Variants in C5orf63 observed in about 807,000 individuals in gnomAD.
C5orf63 encodes the protein chromosome 5 open reading frame 63, also known as glutaredoxin-like protein C5orf63.
A neutral mutation model predicts 13.3 loss-of-function variants in C5orf63; 18 were observed. The ratio of observed to expected loss-of-function variants is 1.36; its 90% CI spans 0.94 to 2.01. C5orf63 has a LOEUF of 2.01. C5orf63 is among the 30% of genes most tolerant of loss of function. C5orf63 has a pLI of 0.00. For synonymous variants in C5orf63, 38 were observed against 44.7 expected (o/e 0.85, Z 0.60); for missense variants, 118 against 127.7 (o/e 0.92, Z 0.36).
rs376443158 is a variant in C5orf63, at chr5:127,071,337, A to G, written c.-8+247T>C. ...AGGTAGGTTCTTTCAGTTTGCCTCC[A>G]TATCTAGGAACTTTAACTTTGGTAA... On this transcript the variant is annotated intron_variant, in intron 2 of 4. Coordinates refer to ENST00000296662, the MANE Select transcript of C5orf63 (RefSeq NM_001164478.2). Among the ~76,000 whole-genome samples the G allele has an allele frequency of 1.3e-4, 20 of 152,340 alleles. No homozygotes were observed. The South Asian group carries it at 3.5e-3, about 27-fold the overall frequency.
At chr5:127,043,926 T>C (rs1237009278), downstream of C5orf63, 1 of 152,216 alleles carries the variant, frequency 6.6e-6, no homozygotes, top group African/African-American at 2.4e-5. Flanking sequence ...CCCTCTCTGT[T>C]GCCTTAGTGG....
chr5:127,069,395 C>T (rs1381647528), intron 2 of C5orf63, among the ~76,000 whole-genome samples: 1 of 152,104 alleles, frequency 6.6e-6, no homozygotes, highest in African/African-American at 2.4e-5. Context: ...TGCAAGTTTC[C>T]CTGCTATTTA....
At chr5:127,043,050 T>C (rs1753441226), downstream of C5orf63, 1 of 152,222 alleles carries the variant, frequency 6.6e-6, no homozygotes, top group South Asian at 2.1e-4. Context: ...ATGACAGCAG[T>C]GTCCTTTATT....
At chr5:127,055,589 A>C (rs1052597012) in intron 3 of C5orf63, among the ~76,000 whole-genome samples, 2 of 152,212 alleles carry the variant, frequency 1.3e-5, no homozygotes, top group Non-Finnish European at 2.9e-5. Flanking sequence ...TTCTGGCCCT[A>C]ATTTCCTAGA....
At chr5:127,066,621 G>A (rs192374621) in intron 2 of C5orf63, among the ~76,000 whole-genome samples, 40 of 152,178 alleles carry the variant, frequency 2.6e-4, no homozygotes, top group African/African-American at 8.9e-4. Context: ...CCAAGAGCTC[G>A]GTTAGGGACA....
chr5:127,052,093 CT>C, intron 4 of C5orf63, 146 bp from the exon 5 acceptor site: 1 of 614,682 alleles, frequency 1.6e-6, no homozygotes, highest in African/African-American at 1.9e-5. Context: ...TCTAATGTCC[CT>C]GATTTCCAAA....
chr5:127,065,949 C>T (rs1754313577), intron 2 of C5orf63, among the ~76,000 whole-genome samples: 1 of 152,064 alleles, frequency 6.6e-6, no homozygotes, highest in African/African-American at 2.4e-5. Flanking sequence ...TGAAGAGACT[C>T]TTTAATGTCA....
Position 127,055,981 on chromosome 5 carries a change from T to C in C5orf63, c.114+2901A>G, listed in dbSNP as rs1561489422. 2.0e-5 allele frequency among the ~76,000 whole-genome samples: 3 copies of C among 152,220 alleles called. No homozygotes were observed. The South Asian group carries it at 6.2e-4, about 32-fold the overall frequency. ...ATACCAGTGGAATGGACCATTCAAATATCCTTCTCTAGGATTTTCCATGGC... is the reference window on the plus strand; with the variant it reads ...ATACCAGTGGAATGGACCATTCAAACATCCTTCTCTAGGATTTTCCATGGC... On this transcript the variant is annotated intron_variant, in intron 3 of 4. Coordinates refer to ENST00000296662, the MANE Select transcript of C5orf63 (RefSeq NM_001164478.2).
At position 127,051,863 on chromosome 5, in the gene C5orf63, A is replaced by G. The variant is rs531850314; in HGVS notation, c.256T>C (p.Leu86=). Residue 86 remains leucine, a synonymous_variant, in exon 5 of 5, where the codon TTG becomes CTG. Transcript: ENST00000296662. The part of the protein sequence containing the change: ...RYKFDIPVFH[L]NGQFLMMHRV... ...TGCATCATCAGAAACTGGCCATTCA[A>G]GTGAAAGACAGGAATATCAAATTTA... is the stretch of plus-strand genomic sequence containing the variant. 1.2e-4 allele frequency: 185 copies of G among 1,535,948 alleles called. No individual in the cohort carries two copies. Among genetic ancestry groups the G allele is most frequent in the Non-Finnish European group, 1.5e-4 (171 of 1,146,366 alleles).
intron 1 of C5orf63, among the ~76,000 whole-genome samples, chr5:127,072,492 C>T (rs141226896): frequency 1.3e-5 from 2 of 152,164 alleles, no homozygotes; most frequent in Admixed American, 6.6e-5. Context: ...TGCACCAAGG[C>T]ATAGCTCTAG....
chr5:127,047,384 A>T (rs1739566453), downstream of C5orf63: 2 of 286,904 alleles, frequency 7.0e-6, no homozygotes, highest in Non-Finnish European at 1.3e-5. Context: ...CATAACACTG[A>T]TACTTGACAG....
intron 2 of C5orf63, among the ~76,000 whole-genome samples, chr5:127,062,613 A>G (rs922774918): frequency 3.9e-5 from 6 of 152,224 alleles, no homozygotes; most frequent in Non-Finnish European, 8.8e-5. Context: ...TGGGAACTCT[A>G]TAATATTCTT....
intron 3 of C5orf63, 131 bp from the exon 4 acceptor site, chr5:127,052,800 A>G: frequency 1.8e-6 from 1 of 551,606 alleles, no homozygotes. Context: ...CTACCATGTT[A>G]GTTACACTGC....
At chr5:127,058,779 G>C (rs1753983754) in intron 3 of C5orf63, 103 bp downstream of exon 3, 1 of 710,472 alleles carries the variant, frequency 1.4e-6, no homozygotes, top group African/African-American at 1.8e-5. Context: ...TTGAAGAGCA[G>C]GTCTGAAGAA....
intron 2 of C5orf63, among the ~76,000 whole-genome samples, chr5:127,059,957 T>C (rs1053677811): frequency 6.6e-6 from 1 of 151,712 alleles, no homozygotes; most frequent in Non-Finnish European, 1.5e-5. Context: ...TTGACCAACA[T>C]GGAGAAACCC....
chr5:127,060,709 G>A (rs1015755298), intron 2 of C5orf63, among the ~76,000 whole-genome samples: 36 of 151,998 alleles, frequency 2.4e-4, no homozygotes, highest in African/African-American at 3.6e-4. Context: ...TTTCTTCCTC[G>A]TTTTGTACTT....
At chr5:127,067,702 T>G (rs1754381333) in intron 2 of C5orf63, among the ~76,000 whole-genome samples, 1 of 152,190 alleles carries the variant, frequency 6.6e-6, no homozygotes, top group Non-Finnish European at 1.5e-5. Context: ...CCAATATTTG[T>G]TTTTATTTCT....
intron 2 of C5orf63, among the ~76,000 whole-genome samples, chr5:127,062,691 T>C (rs1460902987): frequency 1.3e-5 from 2 of 152,230 alleles, no homozygotes; most frequent in African/African-American, 4.8e-5. Flanking sequence ...CACTGAATCA[T>C]GCCTTCTTGA....
intron 3 of C5orf63, among the ~76,000 whole-genome samples, chr5:127,057,541 C>T (rs958921771): frequency 2.0e-5 from 3 of 152,208 alleles, no homozygotes; most frequent in African/African-American, 4.8e-5. Flanking sequence ...AAGAAAACAA[C>T]TATAATCAGT....
Sources: gnomAD v4.1 joint callset for allele counts (sites outside exome capture counted in the v4.1 genomes callset) on GRCh38, gnomAD v4.1.1 for gene constraint, MANE v1.5 for transcripts, NCBI Gene and HGNC (gene_info 2026-07-23, HGNC 2026-07-21) for gene names.